Variants in AQR observed in about 807,000 individuals in gnomAD.
AQR encodes RNA helicase aquarius.
A neutral mutation model predicts 180.5 loss-of-function variants in AQR; 61 were observed. The ratio of observed to expected loss-of-function variants is 0.34; its 90% CI spans 0.28 to 0.42. AQR has a LOEUF of 0.42. AQR is among the 10% of genes least tolerant of loss of function. AQR has a pLI of 1.00. For missense variants in AQR, 1,281 were observed against 1,798.3 expected (o/e 0.71, Z 5.20); for synonymous variants, 551 against 588.8 (o/e 0.94, Z 0.93).
rs1258561811 is a variant in AQR, at chr15:34,940,934, C to T, written c.606G>A (p.Lys202=). ...KLRKFWNLIK[K]NDEKMDPEAR... ...CTTCTGGATCCATCTTTTCATCATT[C>T]TTTTTAATCAAGTTCCAGAATTTTC... is the stretch of plus-strand genomic sequence containing the variant. The change falls in exon 8 of 35, where the codon AAG becomes AAA. Residue 202 remains lysine, a synonymous_variant. Transcript: ENST00000156471. 1.2e-6 allele frequency: 2 copies of T among 1,610,098 alleles called. No individual in the cohort carries two copies. Among genetic ancestry groups the T allele is most frequent in the South Asian group, 1.1e-5 (1 of 90,260 alleles).
intron 5 of AQR, among the ~76,000 whole-genome samples, chr15:34,945,745 T>C (rs1276825674): frequency 6.6e-6 from 1 of 152,204 alleles, no homozygotes; most frequent in Admixed American, 6.5e-5. Context: ...CTATCACCTT[T>C]TCACTTTGGT....
intron 13 of AQR, among the ~76,000 whole-genome samples, chr15:34,926,790 C>T (rs1448420312): frequency 6.6e-6 from 1 of 152,062 alleles, no homozygotes; most frequent in Admixed American, 6.5e-5. Flanking sequence ...ATATTCTACT[C>T]TGAGAAAAAT....
chr15:34,955,321 T>C (rs1195752870), intron 3 of AQR, among the ~76,000 whole-genome samples: 2 of 152,126 alleles, frequency 1.3e-5, no homozygotes, highest in African/African-American at 4.8e-5. Flanking sequence ...TTATGTATGA[T>C]AAACTGGATC....
At chr15:34,862,592 C>A (rs1892684512) in intron 33 of AQR, among the ~76,000 whole-genome samples, 1 of 152,028 alleles carries the variant, frequency 6.6e-6, no homozygotes, top group South Asian at 2.1e-4. Context: ...GAGACAAGGT[C>A]TCACTATGTT....
chr15:34,898,085 G>A (rs879390597), intron 20 of AQR, among the ~76,000 whole-genome samples: 4 of 152,182 alleles, frequency 2.6e-5, no homozygotes, highest in Non-Finnish European at 5.9e-5. Context: ...GGGAAGAGAA[G>A]ACATTCCTGG....
At chr15:34,867,487 A>G in intron 32 of AQR, 37 bp downstream of exon 32, 1 of 1,538,950 alleles carries the variant, frequency 6.5e-7, no homozygotes, top group East Asian at 2.3e-5. Context: ...TAGATAGTAA[A>G]GTTCAATAAA....
chr15:34,862,828 G>A lies in AQR; in HGVS notation c.4029+39C>T, dbSNP rs201918457. ...ATAAGAAAATCCCAATTTCCACTCTGAGGAATGCTGTTTTATAAAATGAAG... is the reference window on the plus strand; with the variant it reads ...ATAAGAAAATCCCAATTTCCACTCTAAGGAATGCTGTTTTATAAAATGAAG... On this transcript the variant is annotated intron_variant, in intron 33 of 34. Transcript: ENST00000156471. The A allele has an allele frequency of 8.5e-5, 136 of 1,603,444 alleles. 1 individual carries two copies. Among genetic ancestry groups the A allele is most frequent in the Admixed American group, 4.7e-4 (28 of 59,408 alleles).
chr15:34,878,124 G>A (rs1027496061), intron 27 of AQR, among the ~76,000 whole-genome samples: 16 of 152,068 alleles, frequency 1.1e-4, no homozygotes, highest in African/African-American at 3.9e-4. Context: ...GTGGCTCACA[G>A]CTGTAATCCC....
At chr15:34,917,781 G>C (rs951468297) in intron 15 of AQR, among the ~76,000 whole-genome samples, 1 of 148,712 alleles carries the variant, frequency 6.7e-6, no homozygotes, top group Non-Finnish European at 1.5e-5. Context: ...TCAGGAGTTC[G>C]AGATCAGCCT....
At chr15:34,934,668 C>T (rs2140493730) in intron 9 of AQR, 33 bp from the exon 10 acceptor site, 1 of 1,430,756 alleles carries the variant, frequency 7.0e-7, no homozygotes, top group East Asian at 2.5e-5. Flanking sequence ...GATAGAATTT[C>T]CTTACTAGGC....
chr15:34,915,012 A>G (rs772748491), intron 16 of AQR, 26 bp downstream of exon 16: 1 of 1,580,908 alleles, frequency 6.3e-7, no homozygotes, highest in South Asian at 1.2e-5. Flanking sequence ...GCATCTCTTC[A>G]TTACAGGTGG....
intron 32 of AQR, among the ~76,000 whole-genome samples, 182 bp downstream of exon 32, chr15:34,867,342 A>G (rs1892749787): frequency 6.6e-6 from 1 of 152,184 alleles, no homozygotes; most frequent in Non-Finnish European, 1.5e-5. Context: ...GAGTAAAAAA[A>G]TCCAGCAGCA....
At chr15:34,941,485 G>A (rs1445793771) in intron 7 of AQR, among the ~76,000 whole-genome samples, 1 of 152,168 alleles carries the variant, frequency 6.6e-6, no homozygotes, top group African/African-American at 2.4e-5. Flanking sequence ...TTATAAATGA[G>A]TCTGCATATC....
At chr15:34,857,159 A>G (rs1218305708) in intron 34 of AQR, 53 bp from the exon 35 acceptor site, 4 of 1,469,900 alleles carry the variant, frequency 2.7e-6, no homozygotes, top group Non-Finnish European at 3.6e-6. Context: ...ACAGCTTATA[A>G]AGCTAAGCTC....
intron 3 of AQR, among the ~76,000 whole-genome samples, chr15:34,956,072 C>T (rs2198224): frequency 1 from 151,987 of 152,276 alleles, 75,849 homozygotes; most frequent in Middle Eastern, 1. Flanking sequence ...TCTGGAACAC[C>T]GACAATGTTC....
chr15:34,856,916 G>T lies in AQR; in HGVS notation c.4334C>A (p.Thr1445Asn). The T allele has an allele frequency of 6.2e-7, 1 of 1,614,094 alleles. No individual in the cohort carries two copies. Among genetic ancestry groups the T allele is most frequent in the Non-Finnish European group, 8.5e-7 (1 of 1,180,006 alleles). ...TDTTPSETGA[T>N]STPEAIPALS... Reference sequence around the variant, plus strand: ...AGCAGGGATGGCTTCTGGAGTGGAAGTGGCTCCTGTCTCACTGGGGGTGGT... The same window carrying T: ...AGCAGGGATGGCTTCTGGAGTGGAATTGGCTCCTGTCTCACTGGGGGTGGT... Residue 1445 changes from threonine (T) to asparagine (N), a missense_variant, in exon 35 of 35, where the codon ACT becomes AAT. This residue lies in a region of AQR where 182 missense variants were observed against 185.3 expected (regional missense o/e 0.98). Transcript: ENST00000156471.
intron 34 of AQR, among the ~76,000 whole-genome samples, chr15:34,858,320 C>CAAAAAAAAAAAA (rs57627687): frequency 2.1e-4 from 18 of 86,036 alleles, no homozygotes; most frequent in East Asian, 3.2e-4. Context: ...ACGACAGCAG[C>CAAAAAAAAAAAA]AAAAAAAAAA....
intron 32 of AQR, among the ~76,000 whole-genome samples, chr15:34,864,950 C>G (rs573891343): frequency 7.2e-5 from 11 of 151,992 alleles, no homozygotes; most frequent in African/African-American, 2.7e-4. Context: ...AGATCTATTA[C>G]TAAATATTAA....
chr15:34,930,816 T>C (rs1397321459), intron 11 of AQR, among the ~76,000 whole-genome samples: 1 of 108,214 alleles, frequency 9.2e-6, no homozygotes, highest in African/African-American at 3.2e-5. Context: ...TATACGCCAC[T>C]TCTTTTTTTT....
Sources: allele counts gnomAD v4.1 joint callset (sites outside exome capture counted in the v4.1 genomes callset), GRCh38; gene constraint gnomAD v4.1.1; regional missense constraint gnomAD v4.1.1; transcripts MANE v1.5; gene names NCBI Gene and HGNC (gene_info 2026-07-23, HGNC 2026-07-21).